The following MYO15A variants were observed in gnomAD, a reference collection of about 807,000 sequenced individuals.
MYO15A encodes the protein unconventional myosin-XV.
Under a neutral mutation model 394.6 loss-of-function variants are expected in MYO15A, and 308 were observed. That is an observed-to-expected ratio of 0.78 (90% confidence interval 0.71 to 0.86). The LOEUF (loss-of-function observed/expected upper bound fraction) is 0.86, where lower values mean the gene tolerates loss of function less well. MYO15A is among the 40% of genes least tolerant of loss of function. MYO15A has a pLI of 0.00. For missense variants in MYO15A, 4,606 were observed against 4,799.1 expected, an observed-to-expected ratio of 0.96 and a Z score of 1.19; for synonymous variants, 1,957 against 2,003.8, an observed-to-expected ratio of 0.98 and a Z score of 0.62.
chr17:18,141,346 C>T (rs952629549), intron 22 of MYO15A, among the ~76,000 whole-genome samples: 7 of 147,166 alleles, frequency 4.8e-5, no homozygotes, highest in Admixed American at 7.1e-5. Flanking sequence ...TGTTGTATAA[C>T]GTATAATATG....
intron 62 of MYO15A, among the ~76,000 whole-genome samples, chr17:18,168,738 A>G (rs1369995537): frequency 1.3e-5 from 2 of 152,088 alleles, no homozygotes; most frequent in Non-Finnish European, 2.9e-5. Context: ...TCTCTAAGTT[A>G]TAATTAATGC....
At chr17:18,158,794 G>T (rs1212123437) in intron 52 of MYO15A, 131 bp from the exon 53 acceptor site, 4 of 1,378,816 alleles carry the variant, frequency 2.9e-6, no homozygotes, top group African/African-American at 1.4e-5. Context: ...CTGCCTCTGG[G>T]GGTCTTCGTG....
At chr17:18,116,398 T>C (rs741782) in intron 1 of MYO15A, among the ~76,000 whole-genome samples, 68,876 of 152,206 alleles carry the variant, frequency 0.45, 17,076 homozygotes, top group South Asian at 0.71. Flanking sequence ...AGCTCTGGAC[T>C]CGGCCAGGCC....
rs964953252 is a variant in MYO15A at position 18,141,066 on chromosome 17, T to C, written c.5454T>C (p.Tyr1818=). 6.2e-7 allele frequency: 1 copy of C among 1,613,958 alleles called. No individual in the cohort carries two copies. The highest frequency in any genetic ancestry group is 1.7e-5 in the Admixed American group (1 of 60,008). Residue 1818 remains tyrosine, a synonymous_variant, in exon 22 of 66, where the codon TAT becomes TAC. Coordinates refer to ENST00000647165, the MANE Select transcript of MYO15A (RefSeq NM_016239.4). ...EPDVVMAQLR[Y]SGVLETVRIR... is the part of the protein sequence containing the mutation. ...ATGTGGTAATGGCACAATTACGCTA[T>C]TCAGGGGTGCTGGAGACCGTGAGGA...
chr17:18,162,595 G>A lies in MYO15A; in HGVS notation c.9528G>A (p.Lys3176=), dbSNP rs1338484534. 2.5e-6 allele frequency: 4 copies of A among 1,613,856 alleles called. No individual in the cohort carries two copies. The highest frequency in any genetic ancestry group is 2.5e-6 in the Non-Finnish European group (3 of 1,179,984). ...TPGLPFQGIA[K]ACEQNLQKTL... ...TCCCTGCTTCTGCAGGGATCGCCAA[G>A]GCCTGCGAGCAGAACCTGCAGAAAA... Residue 3176 remains lysine (K), a synonymous_variant, in exon 58 of 66, where the codon AAG becomes AAA. Transcript: ENST00000647165.
intron 56 of MYO15A, 83 bp from the exon 57 acceptor site, chr17:18,161,234 C>CT: frequency 6.5e-7 from 1 of 1,548,702 alleles, no homozygotes; most frequent in Non-Finnish European, 8.8e-7. Flanking sequence ...GAGTTGGAAT[C>CT]TGTCTCAGCT....
At chr17:18,154,629 C>A in intron 44 of MYO15A, 51 bp from the exon 45 acceptor site, 1 of 1,590,920 alleles carries the variant, frequency 6.3e-7, no homozygotes. Flanking sequence ...CAGCCTGGGT[C>A]CCAGCTGGGG....
chr17:18,112,434 C>T (rs2045733703), intron 1 of MYO15A, among the ~76,000 whole-genome samples: 1 of 152,082 alleles, frequency 6.6e-6, no homozygotes, highest in South Asian at 2.1e-4. Context: ...CTCGCACCGT[C>T]ACACAGGCTG....
chr17:18,151,166 A>G lies in MYO15A; in HGVS notation c.7530A>G (p.Lys2510=). 6.2e-7 allele frequency: 1 copy of G among 1,613,918 alleles called. No homozygotes were observed. The highest frequency in any genetic ancestry group is 2.2e-5 in the East Asian group (1 of 44,858). Residue 2510 remains lysine (K), a synonymous_variant, in exon 39 of 66, where the codon AAA becomes AAG. Transcript: ENST00000647165. ...CTGTAGGCACCGGTCCCCCTGCCAA[A>G]CCCGTGCTCCTGCGTGCCACTCCAA... ...PTSVGTGPPA[K]PVLLRATPKP...
chr17:18,132,512 G>A lies in MYO15A; in HGVS notation c.4266G>A (p.Gln1422=). 2 of 1,613,716 alleles carry A rather than the reference G, an allele frequency of 1.2e-6. No homozygotes were observed. Among genetic ancestry groups the A allele is most frequent in the South Asian group, 1.1e-5 (1 of 91,092 alleles). Residue 1422 remains glutamine (Q), a synonymous_variant, in exon 11 of 66, where the codon CAG becomes CAA. Transcript: ENST00000647165. This position sits in a 1 kb window ranked among gnomAD's most constrained non-coding sequence, Gnocchi z 4.6. ...AGTTGCTGGCCGGGTTGCCTGCCCAGCTCAGGCAGGCCTTTAGCCTGCAAG... is the reference window on the plus strand; with the variant it reads ...AGTTGCTGGCCGGGTTGCCTGCCCAACTCAGGCAGGCCTTTAGCCTGCAAG... The part of the protein sequence containing the change: ...FYELLAGLPA[Q]LRQAFSLQEA...
intron 7 of MYO15A, among the ~76,000 whole-genome samples, chr17:18,129,381 C>T (rs1803584916): frequency 6.6e-6 from 1 of 152,204 alleles, no homozygotes; most frequent in African/African-American, 2.4e-5. Flanking sequence ...AGGGATAGTA[C>T]ACAGGAAAGC....
At chr17:18,167,477 C>T (rs1268290996) in intron 61 of MYO15A, 113 bp from the exon 62 acceptor site, 1 of 1,524,120 alleles carries the variant, frequency 6.6e-7, no homozygotes, top group Non-Finnish European at 9.0e-7. Context: ...GCCATCCTAC[C>T]CCAGAAGAGG....
intron 60 of MYO15A, 125 bp from the exon 61 acceptor site, chr17:18,166,236 G>A: frequency 2.5e-6 from 3 of 1,216,418 alleles, no homozygotes; most frequent in Non-Finnish European, 3.5e-6. Flanking sequence ...GAACAGGCAG[G>A]TGGCTTGTCC....
chr17:18,159,281 C>A lies in MYO15A; in HGVS notation c.9163C>A (p.Leu3055Ile), dbSNP rs2142393163. 2 of 1,614,200 alleles carry A rather than the reference C, an allele frequency of 1.2e-6. No homozygotes were observed. The highest frequency in any genetic ancestry group is 2.2e-5 in the East Asian group (1 of 44,892). Residue 3055 changes from leucine (L) to isoleucine (I), a missense_variant, in exon 54 of 66, where the codon CTC becomes ATC. Transcript: ENST00000647165. ...CAGCCCTCTTCCCCCACAGACTCCCCTCCAGGAATCCCTCATCGAACTCAG... is the reference window on the plus strand; with the variant it reads ...CAGCCCTCTTCCCCCACAGACTCCCATCCAGGAATCCCTCATCGAACTCAG... ...EDMLCFTKTPLQESLIELSDS... is the reference protein window; with the variant it reads ...EDMLCFTKTPIQESLIELSDS...
In MYO15A at chr17:18,150,436, A is replaced by T; in HGVS notation, c.7220A>T (p.Glu2407Val). The change falls in exon 36 of 66, where the codon GAG (glutamate) becomes GTG (valine). Residue 2407 changes from glutamate to valine, a missense_variant. By Grantham distance (121) the Glu-to-Val change is moderately radical. This residue lies in a region of MYO15A where 2,776 missense variants were observed against 3,109.3 expected (regional missense o/e 0.89). Coordinates refer to ENST00000647165, the MANE Select transcript of MYO15A (RefSeq NM_016239.4). This position sits in a 1 kb window ranked among gnomAD's most constrained non-coding sequence, Gnocchi z 4.4. ...GCCACCCACTGCCCCCAGGACCTGG[A>T]GAAGCCAACAGCCATTGCCTACCGC... is the stretch of plus-strand genomic sequence containing the variant. ...PVLSYGDADL[E>V]KPTAIAYRMK... 1 of 1,614,030 alleles carries T rather than the reference A, an allele frequency of 6.2e-7. No homozygotes were observed. Among genetic ancestry groups the T allele is most frequent in the East Asian group, 2.2e-5 (1 of 44,872 alleles).
intron 35 of MYO15A, chr17:18,149,842 A>C (rs1301089336): frequency 2.1e-5 from 11 of 522,690 alleles, no homozygotes; most frequent in Non-Finnish European, 3.5e-5. Context: ...AGTCCCAACT[A>C]CTTAGGAGGC....
chr17:18,119,014 C>A lies in MYO15A; in HGVS notation c.214C>A (p.Arg72Ser), dbSNP rs1408450513. 10 of 1,612,686 alleles carry A rather than the reference C, an allele frequency of 6.2e-6. No individual in the cohort carries two copies. Among genetic ancestry groups the A allele is most frequent in the Non-Finnish European group, 8.5e-6 (10 of 1,179,900 alleles). ...GLHTGPQKTK[R>S]KRKARTVLKS... ...CCACACCGGCCCCCAGAAGACCAAG[C>A]GCAAGAGGAAGGCCCGCACCGTGCT... Residue 72 changes from arginine to serine, a missense_variant, in exon 2 of 66, where the codon CGC becomes AGC. Transcript: ENST00000647165.
At chr17:18,149,784 C>G in intron 35 of MYO15A, 1 of 639,262 alleles carries the variant, frequency 1.6e-6, no homozygotes, top group South Asian at 1.7e-5. Context: ...CTGGAAGGAC[C>G]CACAGTTAGA....
rs767494160 is a variant in MYO15A at position 18,157,892 on chromosome 17, A to C, written c.8959A>C (p.Arg2987=). 2.0e-5 allele frequency: 21 copies of C among 1,045,360 alleles called. No homozygotes were observed. In the South Asian group the frequency reaches 2.6e-4, roughly 13 times the overall value. The allele number at this position is 1,045,360 out of a possible 1,614,324, so 64.8% of individuals were successfully genotyped here. Reference sequence around the variant, plus strand: ...AGCCGCTGCACAGGAGGTGGGCCGCAGGAGAGAGGTGAGACCAGTGTGGGT... The same window carrying C: ...AGCCGCTGCACAGGAGGTGGGCCGCCGGAGAGAGGTGAGACCAGTGTGGGT... ...SAAAAQEVGR[R]REGPPVRARS... Residue 2987 remains arginine (R), a synonymous_variant, in exon 51 of 66, where the codon AGG becomes CGG. Coordinates refer to ENST00000647165, the MANE Select transcript of MYO15A (RefSeq NM_016239.4).
Sources: allele counts gnomAD v4.1 joint callset (sites outside exome capture counted in the v4.1 genomes callset), GRCh38; gene constraint gnomAD v4.1.1; regional missense constraint gnomAD v4.1.1; non-coding constraint Gnocchi (gnomAD v3.1); transcripts MANE v1.5; gene names NCBI Gene and HGNC (gene_info 2026-07-23, HGNC 2026-07-21).